Variants in NEK5 observed in about 807,000 individuals in gnomAD.
NEK5 encodes the protein serine/threonine-protein kinase Nek5.
NEK5 carries 88 observed loss-of-function variants against 109.2 expected under a neutral mutation model. The ratio of observed to expected loss-of-function variants is 0.81; its 90% CI spans 0.68 to 0.96. The LOEUF is 0.96. Among genes scored for constraint, NEK5 ranks in the 40% least tolerant of loss-of-function variants. NEK5 has a pLI of 0.00. For synonymous variants in NEK5, 283 were observed against 299.9 expected (o/e 0.94, Z 0.58); for missense variants, 834 against 920.7 (o/e 0.91, Z 1.22).
intron 7 of NEK5, among the ~76,000 whole-genome samples, 167 bp from the exon 8 acceptor site, chr13:52,108,571 C>T (rs1167575800): frequency 6.6e-6 from 1 of 152,082 alleles, no homozygotes; most frequent in Non-Finnish European, 1.5e-5. Context: ...GTAACTAAAT[C>T]AGCTGATTTT....
chr13:52,065,443 G>C, intron 21 of NEK5, 41 bp downstream of exon 21: 1 of 1,613,918 alleles, frequency 6.2e-7, no homozygotes, highest in Non-Finnish European at 8.5e-7. Context: ...ACGGGTCCTT[G>C]GTCTTCCCTT....
chr13:52,071,177 C>T (rs539167790), intron 20 of NEK5, among the ~76,000 whole-genome samples: 1 of 152,154 alleles, frequency 6.6e-6, no homozygotes, highest in East Asian at 1.9e-4. Flanking sequence ...ACAGCACTGA[C>T]TGTGAAGTTC....
chr13:52,122,236 T>A (rs2138131089), intron 3 of NEK5, among the ~76,000 whole-genome samples: 1 of 152,330 alleles, frequency 6.6e-6, no homozygotes, highest in East Asian at 1.9e-4. Flanking sequence ...CTCTTTCACT[T>A]GTACAGTGAG....
intron 16 of NEK5, among the ~76,000 whole-genome samples, chr13:52,084,563 G>T (rs900756415): frequency 6.6e-6 from 1 of 151,928 alleles, no homozygotes; most frequent in Admixed American, 6.6e-5. Context: ...TTTTGAGACC[G>T]AGTCTTGCTC....
At chr13:52,122,219 G>C (rs1955984852) in intron 3 of NEK5, among the ~76,000 whole-genome samples, 1 of 152,194 alleles carries the variant, frequency 6.6e-6, no homozygotes, top group Non-Finnish European at 1.5e-5. Context: ...AACCTCTTTA[G>C]CCTCAGCTCT....
intron 17 of NEK5, among the ~76,000 whole-genome samples, chr13:52,076,535 T>C (rs764946642): frequency 6.6e-6 from 1 of 152,178 alleles, no homozygotes; most frequent in Non-Finnish European, 1.5e-5. Context: ...CAATTTCAAG[T>C]AGGAAGAGAA....
At chr13:52,046,560 CA>C (rs1354514795) in intron 23 of NEK5, among the ~76,000 whole-genome samples, 7 of 150,248 alleles carry the variant, frequency 4.7e-5, no homozygotes, top group Non-Finnish European at 7.4e-5. Context: ...CTCATCTCTA[CA>C]AAAAATAAAA....
intron 17 of NEK5, among the ~76,000 whole-genome samples, chr13:52,076,969 G>C (rs1342831259): frequency 2.6e-5 from 4 of 152,204 alleles, no homozygotes. Flanking sequence ...ATTTCAGAAA[G>C]TGTTAAGTGC....
chr13:52,113,210 C>T (rs1955789307), intron 4 of NEK5, among the ~76,000 whole-genome samples: 2 of 151,982 alleles, frequency 1.3e-5, no homozygotes, highest in Admixed American at 6.5e-5. Flanking sequence ...ACAGACTATC[C>T]ACAAATCCTT....
At chr13:52,048,169 G>T (rs902127598) in intron 23 of NEK5, among the ~76,000 whole-genome samples, 3 of 152,206 alleles carry the variant, frequency 2.0e-5, no homozygotes, top group Admixed American at 6.5e-5. Flanking sequence ...AACAATAAAT[G>T]TTTGAGATGA....
intron 9 of NEK5, 77 bp from the exon 10 acceptor site, chr13:52,102,369 C>A: frequency 1.9e-6 from 2 of 1,077,670 alleles, no homozygotes; most frequent in South Asian, 1.3e-5. Context: ...GTTAAAGTAA[C>A]AAATATACCA....
chr13:52,061,865 T>C lies in NEK5; in HGVS notation c.2064A>G (p.Ala688=). The C allele has an allele frequency of 1.0e-6, 1 of 985,834 alleles. No homozygotes were observed. Among genetic ancestry groups the C allele is most frequent in the Non-Finnish European group, 1.2e-6 (1 of 829,880 alleles). 61.1% of individuals were successfully genotyped at this position (985,834 alleles called of 1,614,324 possible). The change falls in exon 22 of 24, where the codon GCA becomes GCG. Residue 688 remains alanine, a synonymous_variant. Coordinates refer to ENST00000684899, the MANE Select transcript of NEK5 (RefSeq NM_001365552.1). ...ATGAGCTACTCGTTAGATGTGCTGCTGCCAAAACACTCATTAAAGTTCCTG... is the reference window on the plus strand; with the variant it reads ...ATGAGCTACTCGTTAGATGTGCTGCCGCCAAAACACTCATTAAAGTTCCTG... ...EAPGTLMSVL[A]AAHLTSSSFS...
chr13:52,042,868 G>C (rs1954425213), intron 23 of NEK5, among the ~76,000 whole-genome samples: 1 of 151,642 alleles, frequency 6.6e-6, no homozygotes, highest in South Asian at 2.1e-4. Context: ...GGAAAGAAGG[G>C]TAAAAAAGAA....
chr13:52,083,123 C>A (rs370197414), intron 17 of NEK5, 137 bp downstream of exon 17: 1 of 578,570 alleles, frequency 1.7e-6, no homozygotes, highest in Non-Finnish European at 3.1e-6. Flanking sequence ...TCCAACCTGG[C>A]GACAGAGTGA....
intron 23 of NEK5, among the ~76,000 whole-genome samples, chr13:52,039,982 G>A (rs111241880): frequency 0.014 from 2,172 of 151,930 alleles, 59 homozygotes; most frequent in African/African-American, 0.05. Context: ...AGAAGCCCAA[G>A]GAAGCTTGTA....
Position 52,102,183 on chromosome 13 carries a change from A to C in NEK5, c.719T>G (p.Phe240Cys). The C allele has an allele frequency of 1.2e-6, 2 of 1,613,840 alleles. No homozygotes were observed. Among genetic ancestry groups the C allele is most frequent in the Non-Finnish European group, 1.7e-6 (2 of 1,179,710 alleles). Residue 240 changes from phenylalanine to cysteine, a missense_variant, in exon 10 of 24, where the codon TTT becomes TGT. By Grantham distance (205) the Phe-to-Cys change is radical. Around this residue, in one of 2 missense-constraint regions of NEK5, gnomAD observed 777 missense variants for 824.7 expected, o/e 0.94. Coordinates refer to ENST00000684899, the MANE Select transcript of NEK5 (RefSeq NM_001365552.1). Reference protein sequence around the residue: ...RELHSLISQLFQVSPRDRPSI... With the variant: ...RELHSLISQLCQVSPRDRPSI... ...TGGTCGGTCTCGAGGAGATACTTGA[A>C]AGAGCTGAGATATCAAGGAATGGAG... is the stretch of plus-strand genomic sequence containing the variant.
At chr13:52,057,352 C>T (rs758653659) in intron 22 of NEK5, among the ~76,000 whole-genome samples, 3,048 of 149,020 alleles carry the variant, frequency 0.02, 67 homozygotes, top group Admixed American at 0.08. Context: ...GATTCACAGC[C>T]GAATTCTACC....
intron 23 of NEK5, among the ~76,000 whole-genome samples, chr13:52,041,735 A>G (rs1036441654): frequency 6.7e-6 from 1 of 150,198 alleles, no homozygotes; most frequent in African/African-American, 2.4e-5. Context: ...TCTCAAAAAA[A>G]AAAAAAAAAA....
intron 23 of NEK5, among the ~76,000 whole-genome samples, chr13:52,040,079 C>T (rs1954399987): frequency 8.1e-6 from 1 of 123,934 alleles, no homozygotes; most frequent in East Asian, 2.4e-4. Flanking sequence ...AATCTACTGG[C>T]ACTTTTTTTT....
Sources: gnomAD v4.1 joint callset for allele counts (sites outside exome capture counted in the v4.1 genomes callset) on GRCh38, gnomAD v4.1.1 for gene constraint, gnomAD v4.1.1 regional missense constraint, MANE v1.5 for transcripts, NCBI Gene and HGNC (gene_info 2026-07-23, HGNC 2026-07-21) for gene names.